The following TNKS variants were observed in gnomAD, a reference collection of about 807,000 sequenced individuals.
TNKS encodes the protein tankyrase.
A neutral mutation model predicts 135.8 loss-of-function variants in TNKS; 72 were observed. The ratio of observed to expected loss-of-function variants is 0.53; its 90% CI spans 0.44 to 0.64. TNKS has a LOEUF of 0.64. Among genes scored for constraint, TNKS ranks in the 30% least tolerant of loss-of-function variants. The pLI, the probability that TNKS is intolerant of heterozygous loss-of-function variation, is 0.00. For synonymous variants in TNKS, 849 were observed against 649.3 expected (o/e 1.31, Z -4.68); for missense variants, 1,769 against 1,674.0 (o/e 1.06, Z -0.99).
intron 2 of TNKS, among the ~76,000 whole-genome samples, chr8:9,594,402 T>A (rs1024353051): frequency 3.3e-5 from 5 of 152,180 alleles, no homozygotes; most frequent in Admixed American, 6.5e-5. Context: ...AATTAAAAAT[T>A]TAGTTTCTCA....
chr8:9,593,753 T>G (rs895559671), intron 2 of TNKS, among the ~76,000 whole-genome samples: 1 of 152,184 alleles, frequency 6.6e-6, no homozygotes, highest in Non-Finnish European at 1.5e-5. Flanking sequence ...TGGTTACTTG[T>G]CCTTTGATGA....
intron 3 of TNKS, among the ~76,000 whole-genome samples, chr8:9,668,170 C>G (rs574162323): frequency 6.6e-6 from 1 of 152,240 alleles, no homozygotes; most frequent in South Asian, 2.1e-4. Context: ...AATAACAGCG[C>G]CAAGCACTAT....
At chr8:9,729,925 C>T (rs558625596) in intron 13 of TNKS, among the ~76,000 whole-genome samples, 4 of 151,838 alleles carry the variant, frequency 2.6e-5, no homozygotes, top group Non-Finnish European at 2.9e-5. Flanking sequence ...TACAGGCACG[C>T]GCCACCATGC....
At chr8:9,624,311 T>C (rs906325773) in intron 3 of TNKS, among the ~76,000 whole-genome samples, 1 of 152,238 alleles carries the variant, frequency 6.6e-6, no homozygotes. Flanking sequence ...TAAAATATAA[T>C]AAATTACTGT....
chr8:9,561,583 A>G (rs2129049376), intron 1 of TNKS, among the ~76,000 whole-genome samples: 1 of 152,276 alleles, frequency 6.6e-6, no homozygotes, highest in Non-Finnish European at 1.5e-5. Flanking sequence ...AATATGCTGC[A>G]GTTTGTGTAT....
chr8:9,589,687 A>T (rs575088692), intron 2 of TNKS, among the ~76,000 whole-genome samples: 2 of 152,242 alleles, frequency 1.3e-5, no homozygotes, highest in African/African-American at 4.8e-5. Context: ...GGAATCTACA[A>T]CTGAGAGTAA....
chr8:9,720,160 G>T (rs1804802332), intron 11 of TNKS, among the ~76,000 whole-genome samples: 1 of 152,132 alleles, frequency 6.6e-6, no homozygotes, highest in Non-Finnish European at 1.5e-5. Flanking sequence ...GGAAGAAAGG[G>T]TATGTTGTAA....
chr8:9,681,912 A>C (rs759840406), intron 5 of TNKS, among the ~76,000 whole-genome samples: 1 of 152,092 alleles, frequency 6.6e-6, no homozygotes, highest in Non-Finnish European at 1.5e-5. Flanking sequence ...TACATGGCCC[A>C]GTGAGTATTT....
intron 1 of TNKS, among the ~76,000 whole-genome samples, chr8:9,572,979 A>T (rs919603592): frequency 6.6e-6 from 1 of 152,002 alleles, no homozygotes; most frequent in East Asian, 1.9e-4. Context: ...TTTATTTTGG[A>T]TGAAAGTGGA....
chr8:9,768,038 GT>G (rs111930269), intron 25 of TNKS, among the ~76,000 whole-genome samples: 1 of 150,184 alleles, frequency 6.7e-6, no homozygotes, highest in African/African-American at 2.5e-5. Flanking sequence ...TTTTTTGTTT[GT>G]TTTTTTGCTT....
At chr8:9,770,371 T>C (rs1807753842) in intron 26 of TNKS, 109 bp downstream of exon 26, 2 of 1,149,446 alleles carry the variant, frequency 1.7e-6, no homozygotes, top group African/African-American at 1.6e-5. Context: ...CCACACAGTG[T>C]GCTAGTATTA....
At chr8:9,733,737 G>C (rs1805557022) in intron 15 of TNKS, among the ~76,000 whole-genome samples, 1 of 152,058 alleles carries the variant, frequency 6.6e-6, no homozygotes, top group African/African-American at 2.4e-5. Context: ...ATTAATATCA[G>C]AAAAAACTGT....
intron 2 of TNKS, among the ~76,000 whole-genome samples, chr8:9,601,828 C>T (rs1470509269): frequency 1.3e-5 from 2 of 152,098 alleles, no homozygotes; most frequent in Non-Finnish European, 2.9e-5. Context: ...TACTTATTTA[C>T]AGTTTTACTT....
At chr8:9,676,087 A>C (rs1263101423) in intron 3 of TNKS, among the ~76,000 whole-genome samples, 1 of 145,532 alleles carries the variant, frequency 6.9e-6, no homozygotes, top group Non-Finnish European at 1.5e-5. Context: ...ATCTCAGCTC[A>C]CTGCAACCTC....
intron 8 of TNKS, among the ~76,000 whole-genome samples, chr8:9,707,471 AT>A (rs1804104266): frequency 6.6e-6 from 1 of 151,910 alleles, no homozygotes; most frequent in African/African-American, 2.4e-5. Flanking sequence ...AGCCCTCCCC[AT>A]TTCCCGAGCC....
Position 9,568,306 on chromosome 8 carries a change from C to G in TNKS, c.673+11694C>G, listed in dbSNP as rs562127795. ...GTTTTTGAGTAGTTCAGTAACAGCT[C>G]GAGAAATATGAGCAAGATTATGGGA... is the stretch of plus-strand genomic sequence containing the variant. On this transcript the variant is annotated intron_variant, in intron 1 of 26. Coordinates refer to ENST00000310430, the MANE Select transcript of TNKS (RefSeq NM_003747.3). 3.3e-5 allele frequency among the ~76,000 whole-genome samples: 5 copies of G among 152,134 alleles called. No homozygotes were observed. The East Asian group carries it at 7.7e-4, about 24-fold the overall frequency.
intron 3 of TNKS, among the ~76,000 whole-genome samples, chr8:9,623,092 T>A (rs903975358): frequency 2.0e-5 from 3 of 152,218 alleles, no homozygotes; most frequent in African/African-American, 7.2e-5. Context: ...TTGTACTGTA[T>A]TCACCTATTT....
At chr8:9,747,178 C>G (rs1403741705) in intron 17 of TNKS, among the ~76,000 whole-genome samples, 2 of 152,138 alleles carry the variant, frequency 1.3e-5, no homozygotes, top group Non-Finnish European at 2.9e-5. Flanking sequence ...CCACCGCACC[C>G]AGCCCCTACT....
At chr8:9,587,907 A>G (rs1798449858) in intron 2 of TNKS, among the ~76,000 whole-genome samples, 1 of 152,230 alleles carries the variant, frequency 6.6e-6, no homozygotes, top group Non-Finnish European at 1.5e-5. Context: ...AAAGAGTAGT[A>G]GAATGTTTTC....
Sources: allele counts gnomAD v4.1 joint callset (sites outside exome capture counted in the v4.1 genomes callset), GRCh38; gene constraint gnomAD v4.1.1; transcripts MANE v1.5; gene names NCBI Gene and HGNC (gene_info 2026-07-23, HGNC 2026-07-21).